Variants in SORBS2 observed in about 807,000 individuals in gnomAD.
SORBS2 encodes the protein sorbin and SH3 domain containing 2, also known as sorbin and SH3 domain-containing protein 2.
Under a neutral mutation model 97.7 loss-of-function variants are expected in SORBS2, and 46 were observed. The ratio of observed to expected loss-of-function variants is 0.47; its 90% confidence interval spans 0.37 to 0.60. The LOEUF (loss-of-function observed/expected upper bound fraction) is 0.60, where lower values mean the gene tolerates loss of function less well. Ranked by LOEUF, SORBS2 falls within the 20% of genes least tolerant of loss-of-function variation. The pLI is 0.00. For synonymous variants in SORBS2, 476 were observed against 473.4 expected, an observed-to-expected ratio of 1.01 and a Z score of -0.07; for missense variants, 1,316 against 1,282.3, an observed-to-expected ratio of 1.03 and a Z score of -0.40.
At chr4:185,774,241 C>T (rs2098988534) in intron 2 of SORBS2, 1 of 152,212 alleles carries the variant, frequency 6.6e-6, no homozygotes, top group African/African-American at 2.4e-5. Flanking sequence ...TCTTACACAT[C>T]TGCCAGACAG....
chr4:185,913,131 A>T (rs1403258058), intron 1 of SORBS2, among the ~76,000 whole-genome samples: 2 of 152,226 alleles, frequency 1.3e-5, no homozygotes, highest in Non-Finnish European at 2.9e-5. Context: ...AAAAATGCAC[A>T]AGGATGTTTT....
At chr4:185,746,252 T>G (rs1461926756) in intron 2 of SORBS2, among the ~76,000 whole-genome samples, 2 of 152,206 alleles carry the variant, frequency 1.3e-5, no homozygotes, top group African/African-American at 4.8e-5. Flanking sequence ...GGGGTGTTTT[T>G]CAGAAGGGCG....
rs186417010 is a variant in SORBS2 at position 185,872,638 on chromosome 4, T to G, written c.-338+83558A>C. On this transcript the variant is annotated intron_variant, in intron 1 of 20. Coordinates refer to the SORBS2 transcript ENST00000284776. ...AGAAATTGCTTATCTTTTATCTAAGTTTTTCTAAGCCACCAGAGCCTAAAA... is the reference window on the plus strand; with the variant it reads ...AGAAATTGCTTATCTTTTATCTAAGGTTTTCTAAGCCACCAGAGCCTAAAA... Among the ~76,000 whole-genome samples the G allele has an allele frequency of 1.0e-3, 158 of 152,306 alleles. 1 individual carries two copies. In the East Asian group the frequency reaches 0.016, roughly 15 times the overall value.
intron 14 of SORBS2, 195 bp from the exon 27 acceptor site, chr4:185,587,883 T>C (rs541845145): frequency 9.5e-5 from 50 of 523,642 alleles, no homozygotes; most frequent in Admixed American, 6.3e-4. Context: ...ACGCTCTCAC[T>C]GCCCCTCCGG....
chr4:185,787,575 G>A (rs2099062050), intron 1 of SORBS2, among the ~76,000 whole-genome samples: 1 of 152,084 alleles, frequency 6.6e-6, no homozygotes, highest in Non-Finnish European at 1.5e-5. Context: ...ATTTCTGAGA[G>A]CTCTGTCTGA....
chr4:185,622,777 C>T, intron 7 of SORBS2, 137 bp downstream of exon 19: 1 of 755,158 alleles, frequency 1.3e-6, no homozygotes, highest in Non-Finnish European at 2.1e-6. Flanking sequence ...ATTTGCACAA[C>T]AAGTTTTTGC....
intron 1 of SORBS2, among the ~76,000 whole-genome samples, chr4:185,852,383 C>G (rs2099218391): frequency 1.3e-5 from 2 of 152,308 alleles, no homozygotes; most frequent in South Asian, 4.1e-4. Flanking sequence ...ATACTATTCT[C>G]TCTAGTCCCA....
At chr4:185,603,205 A>C (rs908511521) in intron 12 of SORBS2, among the ~76,000 whole-genome samples, 3 of 152,182 alleles carry the variant, frequency 2.0e-5, no homozygotes, top group African/African-American at 4.8e-5. Flanking sequence ...TTCTAAGGCT[A>C]CTTTCCCTCT....
chr4:185,845,009 T>C (rs1561228604), intron 1 of SORBS2, among the ~76,000 whole-genome samples: 1 of 147,870 alleles, frequency 6.8e-6, no homozygotes, highest in African/African-American at 2.5e-5. Context: ...TTAGGGATGA[T>C]GAAAATGCTT....
At chr4:185,767,023 G>A (rs889995343) in intron 2 of SORBS2, among the ~76,000 whole-genome samples, 3 of 151,944 alleles carry the variant, frequency 2.0e-5, no homozygotes, top group South Asian at 2.1e-4. Context: ...TATGCCGACA[G>A]GTTATTTCAA....
At position 185,623,550 on chromosome 4, in the gene SORBS2, C is replaced by A; in HGVS notation, c.1579G>T (p.Asp527Tyr). The change falls in exon 7 of 15, where the codon GAC (aspartate) becomes TAC (tyrosine). Residue 527 changes from aspartate (D) to tyrosine (Y), a missense_variant. Coordinates refer to ENST00000418609, the Ensembl canonical transcript of SORBS2. The surrounding 1 kb of genome is among the most constrained non-coding windows in gnomAD (Gnocchi z 6.4). The stretch of plus-strand genomic sequence containing the variant: ...GATGTGAAGGAAAAGTGATCAAAGT[C>A]ACTTTCACTGCAGAAGGATGACCCC... 8 of 1,614,036 alleles carry A rather than the reference C, an allele frequency of 5.0e-6. No homozygotes were observed. Among genetic ancestry groups the A allele is most frequent in the Non-Finnish European group, 5.9e-6 (7 of 1,180,022 alleles).
At chr4:185,758,227 T>C (rs1416606855) in intron 2 of SORBS2, among the ~76,000 whole-genome samples, 1 of 152,216 alleles carries the variant, frequency 6.6e-6, no homozygotes, top group Non-Finnish European at 1.5e-5. Context: ...CGAAAGACTT[T>C]CCAGAATTAC....
rs150398559 is a variant in SORBS2, at chr4:185,884,820, C to T, written c.-338+71376G>A. Among the ~76,000 whole-genome samples, 454 of 152,280 alleles carry T rather than the reference C, an allele frequency of 3.0e-3. 2 individuals carry two copies. The highest frequency in any genetic ancestry group is 0.017 in the South Asian group (81 of 4,820). ...GTAGGGAGTTTCTTTAGATAGTTCT[C>T]GTATTGTATTGGCATACTCCTCTTT... On this transcript the variant is annotated intron_variant, in intron 1 of 20. Coordinates refer to the SORBS2 transcript ENST00000284776.
chr4:185,697,762 G>A (rs144160602), intron 2 of SORBS2, among the ~76,000 whole-genome samples: 74 of 152,200 alleles, frequency 4.9e-4, no homozygotes, highest in African/African-American at 1.7e-3. Flanking sequence ...ATTCAATAAG[G>A]GAAAGTGCCT....
intron 12 of SORBS2, among the ~76,000 whole-genome samples, chr4:185,603,333 G>A (rs868793634): frequency 6.6e-6 from 1 of 152,072 alleles, no homozygotes; most frequent in Non-Finnish European, 1.5e-5. Context: ...CTTAGCCTTA[G>A]GCATCATATA....
intron 1 of SORBS2, among the ~76,000 whole-genome samples, chr4:185,819,905 T>A (rs1223473912): frequency 6.6e-6 from 1 of 152,204 alleles, no homozygotes; most frequent in Non-Finnish European, 1.5e-5. Flanking sequence ...TATTCTGCAA[T>A]TTGTTAGCTG....
intron 6 of SORBS2, 129 bp downstream of exon 18, chr4:185,626,703 A>T: frequency 2.2e-6 from 2 of 906,030 alleles, no homozygotes; most frequent in Non-Finnish European, 3.5e-6. Context: ...TTGTTCTAAA[A>T]CTATATTTTA....
intron 4 of SORBS2, chr4:185,677,294 G>C: frequency 6.4e-7 from 1 of 1,552,210 alleles, no homozygotes; most frequent in Non-Finnish European, 8.7e-7. Context: ...TTAGTTTCAA[G>C]GTAGAAATCC....
chr4:185,908,508 A>G (rs2099252975), intron 1 of SORBS2, among the ~76,000 whole-genome samples: 1 of 151,212 alleles, frequency 6.6e-6, no homozygotes, highest in South Asian at 2.1e-4. Context: ...CTGACTTCTG[A>G]TTGCTAAATC....
Sources: allele counts gnomAD v4.1 joint callset (sites outside exome capture counted in the v4.1 genomes callset), GRCh38; gene constraint gnomAD v4.1.1; non-coding constraint Gnocchi (gnomAD v3.1); transcripts MANE v1.5; gene names NCBI Gene and HGNC (gene_info 2026-07-23, HGNC 2026-07-21).